Variants in ARB2A observed in about 807,000 individuals in gnomAD.
ARB2A encodes the protein ARB2 cotranscriptional regulator A.
chr5:93,644,257 GCT>G, the ARB2A span, among the ~76,000 whole-genome samples: 1 of 152,162 alleles, frequency 6.6e-6, no homozygotes, highest in African/African-American at 2.4e-5. Context: ...CAGTGTGATT[GCT>G]TACTTCTTTC....
At chr5:93,891,895 G>C in the ARB2A span, among the ~76,000 whole-genome samples, 1 of 152,156 alleles carries the variant, frequency 6.6e-6, no homozygotes, top group Non-Finnish European at 1.5e-5. Flanking sequence ...TTCATCTGCA[G>C]CTTTGTGCTG....
chr5:93,934,218 A>G, the ARB2A span, among the ~76,000 whole-genome samples: 1 of 152,182 alleles, frequency 6.6e-6, no homozygotes, highest in African/African-American at 2.4e-5. Flanking sequence ...AAGATTGTAA[A>G]AATACTTTCC....
chr5:93,683,926 A>T, the ARB2A span, among the ~76,000 whole-genome samples: 1 of 152,218 alleles, frequency 6.6e-6, no homozygotes, highest in South Asian at 2.1e-4. Context: ...ATTTTTAAAG[A>T]AACTGTATTA....
At chr5:93,749,501 G>T in the ARB2A span, among the ~76,000 whole-genome samples, 1 of 152,064 alleles carries the variant, frequency 6.6e-6, no homozygotes, top group Non-Finnish European at 1.5e-5. Flanking sequence ...GAATTATGAA[G>T]TTCTTACTAT....
At chr5:94,072,338 G>A in the ARB2A span, among the ~76,000 whole-genome samples, 1 of 151,736 alleles carries the variant, frequency 6.6e-6, no homozygotes, top group African/African-American at 2.4e-5. Flanking sequence ...GGATCGAATT[G>A]CACAGAACTC....
the ARB2A span, among the ~76,000 whole-genome samples, chr5:94,073,070 T>G: frequency 3.3e-5 from 5 of 152,126 alleles, no homozygotes; most frequent in Non-Finnish European, 7.4e-5. Flanking sequence ...CATCTTGCCA[T>G]GTAAACGTGA....
At chr5:93,666,970 T>A in the ARB2A span, among the ~76,000 whole-genome samples, 1 of 152,218 alleles carries the variant, frequency 6.6e-6, no homozygotes, top group Admixed American at 6.5e-5. Context: ...AAAGAAAATT[T>A]AAAATTTTTA....
the ARB2A span, among the ~76,000 whole-genome samples, chr5:93,905,145 T>G: frequency 2.6e-5 from 4 of 151,678 alleles, no homozygotes; most frequent in Admixed American, 2.6e-4. Context: ...AAGTACACAT[T>G]TATTTAGGAG....
chr5:93,937,361 G>T, the ARB2A span, among the ~76,000 whole-genome samples: 21 of 151,400 alleles, frequency 1.4e-4, no homozygotes, highest in South Asian at 8.4e-4. Flanking sequence ...CCAGCACTTT[G>T]GGAGGCCAAG....
chr5:93,643,706 C>G, the ARB2A span, among the ~76,000 whole-genome samples: 1 of 152,142 alleles, frequency 6.6e-6, no homozygotes, highest in South Asian at 2.1e-4. Context: ...ATTGGTCAGG[C>G]TGGTCTCAAA....
the ARB2A span, among the ~76,000 whole-genome samples, chr5:94,080,217 T>C: frequency 1.3e-5 from 2 of 152,152 alleles, no homozygotes; most frequent in African/African-American, 2.4e-5. Context: ...ATTGCTATTA[T>C]ATGAGGCAAT....
the ARB2A span, among the ~76,000 whole-genome samples, chr5:93,966,643 C>T: frequency 6.6e-6 from 1 of 152,060 alleles, no homozygotes; most frequent in East Asian, 1.9e-4. Flanking sequence ...ATGAAATCAT[C>T]TATCTTATAG....
the ARB2A span, among the ~76,000 whole-genome samples, chr5:93,791,946 A>G: frequency 2.0e-5 from 3 of 152,206 alleles, no homozygotes; most frequent in Non-Finnish European, 4.4e-5. Flanking sequence ...AAAAGGAAAA[A>G]AAAAAGCAAA....
At chr5:94,047,899 G>A in the ARB2A span, among the ~76,000 whole-genome samples, 8 of 152,116 alleles carry the variant, frequency 5.3e-5, no homozygotes, top group African/African-American at 1.2e-4. Context: ...AGCTGGTGGT[G>A]TACATGGCTT....
At chr5:93,971,753 T>C in the ARB2A span, among the ~76,000 whole-genome samples, 2 of 152,162 alleles carry the variant, frequency 1.3e-5, no homozygotes, top group African/African-American at 2.4e-5. Context: ...ATTCAGTATG[T>C]AACTGAATAA....
At chr5:93,815,524 T>C in the ARB2A span, among the ~76,000 whole-genome samples, 6 of 152,312 alleles carry the variant, frequency 3.9e-5, no homozygotes, top group Admixed American at 1.3e-4. Context: ...CATTCTAATC[T>C]AAGCCACATA....
At chr5:93,698,143 C>T in the ARB2A span, among the ~76,000 whole-genome samples, 1 of 152,164 alleles carries the variant, frequency 6.6e-6, no homozygotes, top group East Asian at 1.9e-4. Flanking sequence ...TATAATTGAT[C>T]TCAAGACGGA....
At chr5:94,019,448 A>C in the ARB2A span, among the ~76,000 whole-genome samples, 1 of 152,370 alleles carries the variant, frequency 6.6e-6, no homozygotes, top group Non-Finnish European at 1.5e-5. Flanking sequence ...TTACAAGAAA[A>C]AAAACAACCC....
the ARB2A span, among the ~76,000 whole-genome samples, chr5:93,703,901 C>T: frequency 6.6e-6 from 1 of 152,164 alleles, no homozygotes; most frequent in South Asian, 2.1e-4. Flanking sequence ...CTATTGAAAA[C>T]AGCACCCTAT....
Sources: gnomAD v4.1 joint callset for allele counts (sites outside exome capture counted in the v4.1 genomes callset) on GRCh38, gnomAD v4.1.1 for gene constraint, MANE v1.5 for transcripts, NCBI Gene and HGNC (gene_info 2026-07-23, HGNC 2026-07-21) for gene names.